Variants in ZNF91 observed in about 807,000 individuals in gnomAD.
The protein encoded by ZNF91 is zinc finger protein 91 (HPF7, HTF10).
ZNF91 carries 7 observed loss-of-function variants against 12.6 expected under a neutral mutation model. The ratio of observed to expected loss-of-function variants is 0.55; its 90% CI spans 0.31 to 1.04. The LOEUF (loss-of-function observed/expected upper bound fraction) is 1.04. ZNF91 is among the 50% of genes least tolerant of loss of function. The pLI is 0.05. For missense variants in ZNF91, 1,217 were observed against 1,385.4 expected (o/e 0.88, Z 1.93); for synonymous variants, 453 against 462.6 (o/e 0.98, Z 0.27).
At chr19:23,367,580 G>A (rs995579058) in intron 3 of ZNF91, among the ~76,000 whole-genome samples, 9 of 151,850 alleles carry the variant, frequency 5.9e-5, no homozygotes, top group African/African-American at 1.9e-4. Flanking sequence ...ATTTTGTTAC[G>A]AACTATAGCC....
In ZNF91 at chr19:23,361,943, C is replaced by T. The variant is rs1345996461; in HGVS notation, c.1036G>A (p.Gly346Arg). ...TCTTTACATTTGTAGGGTTTCTCTC[C>T]AGTATGAATTCTCTTATGTTTAGCA... ...TLAKHKRIHT[G>R]EKPYKCKECG... Residue 346 changes from glycine to arginine, a missense_variant, in exon 4 of 4, where the codon GGA (glycine) becomes AGA (arginine). Physicochemically the swap from Gly to Arg is moderately radical, Grantham distance 125. Around this residue, in one of 2 missense-constraint regions of ZNF91, gnomAD observed 726 missense variants for 895.5 expected, o/e 0.81. Transcript: ENST00000300619. 1.2e-6 allele frequency: 2 copies of T among 1,613,008 alleles called. No homozygotes were observed. Among genetic ancestry groups the T allele is most frequent in the African/African-American group, 2.7e-5 (2 of 74,806 alleles).
intron 3 of ZNF91, among the ~76,000 whole-genome samples, chr19:23,371,705 G>A (rs993322927): frequency 6.6e-5 from 10 of 152,110 alleles, no homozygotes; most frequent in African/African-American, 1.2e-4. Flanking sequence ...TCTAGAAAAC[G>A]GCAATGTTTG....
At chr19:23,369,630 A>G (rs1481732809) in intron 3 of ZNF91, among the ~76,000 whole-genome samples, 1 of 152,188 alleles carries the variant, frequency 6.6e-6, no homozygotes. Context: ...AAAGAAGTAC[A>G]CACAGGAGAC....
intron 1 of ZNF91, among the ~76,000 whole-genome samples, chr19:23,390,151 T>C (rs1280253741): frequency 1.3e-5 from 2 of 152,082 alleles, no homozygotes; most frequent in African/African-American, 4.8e-5. Context: ...ACTCTGTCTC[T>C]AGTAAAAATG....
chr19:23,336,191 A>T (rs946011702), downstream of ZNF91, among the ~76,000 whole-genome samples: 1 of 152,192 alleles, frequency 6.6e-6, no homozygotes, highest in African/African-American at 2.4e-5. Flanking sequence ...TTTGGGGTGA[A>T]TGCCTGAGGT....
chr19:23,363,609 G>A (rs1232449532), intron 3 of ZNF91, among the ~76,000 whole-genome samples: 1 of 152,088 alleles, frequency 6.6e-6, no homozygotes, highest in Non-Finnish European at 1.5e-5. Flanking sequence ...TTGACAGTTA[G>A]CTTTTTTAAA....
intron 1 of ZNF91, among the ~76,000 whole-genome samples, chr19:23,381,605 C>T (rs149024536): frequency 1.0e-3 from 158 of 152,018 alleles, no homozygotes; most frequent in African/African-American, 3.4e-3. Context: ...GGATTACAGG[C>T]GTGCGCCACC....
upstream of ZNF91, among the ~76,000 whole-genome samples, chr19:23,314,614 A>C (rs1193960339): frequency 1.3e-5 from 2 of 152,122 alleles, no homozygotes; most frequent in Admixed American, 6.5e-5. Context: ...TTGTAACTGC[A>C]GCTGGCCCCA....
intron 3 of ZNF91, among the ~76,000 whole-genome samples, chr19:23,352,376 C>A (rs577083225): frequency 1.3e-5 from 2 of 152,070 alleles, no homozygotes; most frequent in African/African-American, 4.8e-5. Context: ...CCATAGCAGC[C>A]GCAGCAAGAC....
intron 1 of ZNF91, among the ~76,000 whole-genome samples, chr19:23,383,052 A>G (rs935482313): frequency 2.6e-5 from 4 of 152,200 alleles, no homozygotes; most frequent in African/African-American, 9.6e-5. Context: ...CAAACCAATA[A>G]AATTCAGGCC....
intron 3 of ZNF91, among the ~76,000 whole-genome samples, chr19:23,365,994 G>A (rs8108073): frequency 0.19 from 28,648 of 152,196 alleles, 2,919 homozygotes; most frequent in Non-Finnish European, 0.21. Flanking sequence ...GCAACCATCC[G>A]ATTTCTCAAT....
intron 1 of ZNF91, among the ~76,000 whole-genome samples, chr19:23,392,396 C>G (rs898266064): frequency 1.4e-5 from 1 of 70,408 alleles, no homozygotes; most frequent in Non-Finnish European, 2.8e-5. Context: ...AACTCCATCT[C>G]AAAAAAAAAA....
At chr19:23,318,634 G>T (rs1967620402) in intron 1 of ZNF91, among the ~76,000 whole-genome samples, 1 of 151,618 alleles carries the variant, frequency 6.6e-6, no homozygotes, top group Admixed American at 6.6e-5. Context: ...GACTCTTCTT[G>T]CTTACTTGGT....
At chr19:23,348,935 G>A (rs1304014294) in intron 3 of ZNF91, among the ~76,000 whole-genome samples, 1 of 152,138 alleles carries the variant, frequency 6.6e-6, no homozygotes, top group African/African-American at 2.4e-5. Flanking sequence ...GGGAGTGTCT[G>A]TCTTATGCGG....
intron 1 of ZNF91, among the ~76,000 whole-genome samples, chr19:23,389,129 T>A (rs192121681): frequency 2.0e-5 from 3 of 152,038 alleles, no homozygotes; most frequent in Non-Finnish European, 2.9e-5. Context: ...CAAACCTGCA[T>A]GTGTACCCCT....
chr19:23,381,793 A>G (rs1293920622), intron 1 of ZNF91, among the ~76,000 whole-genome samples: 1 of 152,112 alleles, frequency 6.6e-6, no homozygotes, highest in African/African-American at 2.4e-5. Flanking sequence ...TGTAGTATAA[A>G]TACTTTAGCC....
rs1237636265 is a variant in ZNF91, at chr19:23,358,566, CTGAATT to C, written c.*831_*836del. The C allele has an allele frequency of 6.6e-6, 1 of 152,266 alleles. No individual in the cohort carries two copies. The highest frequency in any genetic ancestry group is 2.4e-5 in the African/African-American group (1 of 41,444). The allele number at this position is 152,266 out of a possible 1,614,324, so 9.4% of individuals were successfully genotyped here. The stretch of plus-strand genomic sequence containing the variant: ...ACACTTCTTATTTAGTATGAACGCT[CTGAATT>C]TGAGTACGATGTGAGCAGGTATTAA... On this transcript the variant is annotated 3_prime_UTR_variant, in exon 4 of 4. Transcript: ENST00000300619.
At chr19:23,310,037 C>G (rs1201031459) in intron 1 of ZNF91, among the ~76,000 whole-genome samples, 1 of 152,144 alleles carries the variant, frequency 6.6e-6, no homozygotes, top group African/African-American at 2.4e-5. Flanking sequence ...AAACCCAGCT[C>G]TGGCAGGTGA....
chr19:23,353,572 G>A (rs1317957655), downstream of ZNF91, among the ~76,000 whole-genome samples: 5 of 151,584 alleles, frequency 3.3e-5, no homozygotes, highest in African/African-American at 7.3e-5. Flanking sequence ...AAACCAAACC[G>A]AAACCCAACA....
Sources: gnomAD v4.1 joint callset for allele counts (sites outside exome capture counted in the v4.1 genomes callset) on GRCh38, gnomAD v4.1.1 for gene constraint, gnomAD v4.1.1 regional missense constraint, MANE v1.5 for transcripts, NCBI Gene and HGNC (gene_info 2026-07-23, HGNC 2026-07-21) for gene names.